TBC1D5: variants seen among roughly 807,000 people sequenced by gnomAD.
TBC1D5 encodes the protein TBC1 domain family member 5, also known as TBC1 domain family, member 5.
A neutral mutation model predicts 100.3 loss-of-function variants in TBC1D5; 75 were observed. That is an observed-to-expected ratio of 0.75 (90% CI 0.62 to 0.91). TBC1D5 has a LOEUF of 0.91. Ranked by LOEUF, TBC1D5 falls within the 40% of genes least tolerant of loss-of-function variation. The pLI is 0.00. For synonymous variants in TBC1D5, 323 were observed against 325.6 expected (o/e 0.99, Z 0.09); for missense variants, 910 against 942.4 (o/e 0.97, Z 0.45).
chr3:17,540,441 T>C (rs2096338977), intron 2 of TBC1D5, among the ~76,000 whole-genome samples: 1 of 152,188 alleles, frequency 6.6e-6, no homozygotes. Flanking sequence ...TCTAAGACTT[T>C]TATAGTTTTG....
exon 16 of TBC1D5, chr3:17,258,553 A>G: frequency 6.2e-7 from 1 of 1,612,918 alleles, no homozygotes; most frequent in South Asian, 1.1e-5. Context: ...AATAATCTAA[A>G]TTTGGATGGA....
intron 2 of TBC1D5, among the ~76,000 whole-genome samples, chr3:17,615,911 A>G (rs2062110812): frequency 6.6e-6 from 1 of 151,622 alleles, no homozygotes; most frequent in Admixed American, 6.6e-5. Flanking sequence ...GATCTTAGTT[A>G]TTTCTTGCCG....
At chr3:17,441,177 T>C (rs999882575) in intron 3 of TBC1D5, among the ~76,000 whole-genome samples, 15 of 152,248 alleles carry the variant, frequency 9.9e-5, no homozygotes, top group African/African-American at 3.6e-4. Flanking sequence ...ATTTGAATCA[T>C]TCATTCATTC....
At chr3:17,677,599 G>A (rs2068813807) in intron 1 of TBC1D5, among the ~76,000 whole-genome samples, 1 of 152,176 alleles carries the variant, frequency 6.6e-6, no homozygotes, top group South Asian at 2.1e-4. Context: ...AATTCCTCAA[G>A]GACCCAGAAC....
chr3:17,541,020 G>A (rs1364887594), intron 2 of TBC1D5, among the ~76,000 whole-genome samples: 2 of 149,286 alleles, frequency 1.3e-5, no homozygotes, highest in Middle Eastern at 7.0e-3. Context: ...TGGTCTATAT[G>A]TCTTCCTTAT....
Position 17,493,353 on chromosome 3 carries a change from T to C in TBC1D5, c.97+15121A>G, listed in dbSNP as rs2095663063. Among the ~76,000 whole-genome samples, 3 of 152,152 alleles carry C rather than the reference T, an allele frequency of 2.0e-5. No homozygotes were observed. The South Asian group carries it at 6.2e-4, about 32-fold the overall frequency. ...CCCTTTGTAGGTGACCTGGCCTTTC[T>C]CTCTGGCTGCCCTTAACACTTTTTC... On this transcript the variant is annotated intron_variant, in intron 3 of 21. Coordinates refer to ENST00000253692, the Ensembl canonical transcript of TBC1D5.
intron 19 of TBC1D5, among the ~76,000 whole-genome samples, chr3:17,177,463 G>C (rs191459781): frequency 6.6e-6 from 1 of 152,224 alleles, no homozygotes; most frequent in South Asian, 2.1e-4. Context: ...AGGATGCTAG[G>C]GGAGGCAGTG....
chr3:17,298,513 A>C (rs1361191241), intron 14 of TBC1D5, among the ~76,000 whole-genome samples: 1 of 152,202 alleles, frequency 6.6e-6, no homozygotes, highest in East Asian at 1.9e-4. Context: ...AATATGTGGA[A>C]GCAAACAAAG....
At chr3:17,637,806 T>A (rs2064106254) in intron 1 of TBC1D5, among the ~76,000 whole-genome samples, 1 of 152,206 alleles carries the variant, frequency 6.6e-6, no homozygotes, top group African/African-American at 2.4e-5. Flanking sequence ...TACTGAGCGG[T>A]AATTTAGAAA....
At chr3:17,659,725 C>T (rs912849551) in intron 1 of TBC1D5, among the ~76,000 whole-genome samples, 2 of 152,082 alleles carry the variant, frequency 1.3e-5, no homozygotes, top group African/African-American at 2.4e-5. Flanking sequence ...CTCAAACTTA[C>T]ATTTGCTCCA....
At chr3:17,472,047 A>G (rs951459534) in intron 3 of TBC1D5, among the ~76,000 whole-genome samples, 2 of 152,198 alleles carry the variant, frequency 1.3e-5, no homozygotes, top group African/African-American at 4.8e-5. Flanking sequence ...TTCAATGTTC[A>G]TCTCATTGTT....
chr3:17,608,504 C>T (rs2061479356), intron 2 of TBC1D5, among the ~76,000 whole-genome samples: 1 of 152,092 alleles, frequency 6.6e-6, no homozygotes, highest in Admixed American at 6.6e-5. Flanking sequence ...AATTAGGTTC[C>T]TGATTTTCAT....
At chr3:17,389,634 C>T (rs2093289851) in intron 8 of TBC1D5, among the ~76,000 whole-genome samples, 1 of 152,084 alleles carries the variant, frequency 6.6e-6, no homozygotes, top group South Asian at 2.1e-4. Context: ...CAGATGATTC[C>T]AGACCCTGGA....
chr3:17,287,700 A>C (rs1007789717), intron 15 of TBC1D5, among the ~76,000 whole-genome samples: 2 of 152,214 alleles, frequency 1.3e-5, no homozygotes, highest in Admixed American at 6.5e-5. Flanking sequence ...ACTTTTTTCT[A>C]TCTATTCAAA....
intron 16 of TBC1D5, among the ~76,000 whole-genome samples, chr3:17,244,465 C>T (rs546163101): frequency 4.6e-5 from 7 of 152,154 alleles, no homozygotes; most frequent in Non-Finnish European, 8.8e-5. Flanking sequence ...CCATTCCATT[C>T]CTTCTGCCCT....
intron 1 of TBC1D5, among the ~76,000 whole-genome samples, chr3:17,725,147 T>G (rs998056538): frequency 1.3e-5 from 2 of 152,214 alleles, no homozygotes; most frequent in African/African-American, 4.8e-5. Flanking sequence ...GTATCATGTT[T>G]CCTTGTGTGC....
chr3:17,374,444 T>G, intron 12 of TBC1D5, 27 bp downstream of exon 12: 1 of 1,596,786 alleles, frequency 6.3e-7, no homozygotes, highest in Non-Finnish European at 8.5e-7. Flanking sequence ...TAGCATATAC[T>G]GAAAAGATCT....
At chr3:17,613,365 T>C (rs542849192) in intron 2 of TBC1D5, among the ~76,000 whole-genome samples, 2 of 152,350 alleles carry the variant, frequency 1.3e-5, no homozygotes, top group Admixed American at 6.5e-5. Flanking sequence ...TGTTTCTTTA[T>C]AGTAGCATGA....
At chr3:17,451,918 G>A (rs993954736) in intron 3 of TBC1D5, among the ~76,000 whole-genome samples, 13 of 151,742 alleles carry the variant, frequency 8.6e-5, no homozygotes, top group Admixed American at 2.0e-4. Flanking sequence ...GCGAGACTCC[G>A]TCAAAAAAGA....
Sources: gnomAD v4.1 joint callset for allele counts (sites outside exome capture counted in the v4.1 genomes callset) on GRCh38, gnomAD v4.1.1 for gene constraint, MANE v1.5 for transcripts, NCBI Gene and HGNC (gene_info 2026-07-23, HGNC 2026-07-21) for gene names.